The following MYBPC1 variants were observed in gnomAD, a reference collection of about 807,000 sequenced individuals.
MYBPC1 encodes the protein myosin binding protein C1.
In MYBPC1, 52 loss-of-function variants were observed where a neutral mutation model predicts 147.1. The observed-to-expected ratio is 0.35, with a 90% CI of 0.28 to 0.45. The LOEUF (loss-of-function observed/expected upper bound fraction) is 0.45. Ranked by LOEUF, MYBPC1 falls within the 20% of genes least tolerant of loss-of-function variation. MYBPC1 has a pLI of 1.00. For synonymous variants in MYBPC1, 477 were observed against 475.9 expected, an observed-to-expected ratio of 1.00 and a Z score of -0.03; for missense variants, 1,228 against 1,440.3, an observed-to-expected ratio of 0.85 and a Z score of 2.39.
At position 101,675,241 on chromosome 12, in the gene MYBPC1, A is replaced by G. The variant is rs377628844; in HGVS notation, c.2810-51A>G. On this transcript the variant is annotated intron_variant, in intron 25 of 31. Coordinates refer to ENST00000361466, the MANE Select transcript of MYBPC1 (RefSeq NM_002465.4). ...AAAATATCCTCATGAAACAAAATGTAGACTGGGAAAGAAAGTGACCTTGCA... is the reference window on the plus strand; with the variant it reads ...AAAATATCCTCATGAAACAAAATGTGGACTGGGAAAGAAAGTGACCTTGCA... The G allele has an allele frequency of 3.5e-5, 57 of 1,609,524 alleles. No individual in the cohort carries two copies. The African/African-American group carries it at 6.9e-4, about 20-fold the overall frequency.
At chr12:101,630,011 A>C (rs1187250098) in intron 6 of MYBPC1, among the ~76,000 whole-genome samples, 1 of 152,198 alleles carries the variant, frequency 6.6e-6, no homozygotes, top group Non-Finnish European at 1.5e-5. Flanking sequence ...TCATCACCCC[A>C]AAAAGACCCT....
intron 15 of MYBPC1, among the ~76,000 whole-genome samples, chr12:101,650,478 AAGG>A (rs1156948910): frequency 2.0e-5 from 3 of 152,138 alleles, no homozygotes; most frequent in Non-Finnish European, 4.4e-5. Context: ...TGGTGGCAGC[AAGG>A]AGAAGTACCA....
intron 13 of MYBPC1, among the ~76,000 whole-genome samples, chr12:101,647,742 T>C (rs965636528): frequency 2.6e-5 from 4 of 152,074 alleles, no homozygotes; most frequent in Non-Finnish European, 1.5e-5. Flanking sequence ...CAAAAATTAG[T>C]TGGGTGTAGT....
At chr12:101,637,225 T>G (rs1436773251) in intron 10 of MYBPC1, 1 of 155,556 alleles carries the variant, frequency 6.4e-6, no homozygotes, top group African/African-American at 2.4e-5. Context: ...ACACCATTGA[T>G]TATAAGATGC....
intron 3 of MYBPC1, among the ~76,000 whole-genome samples, chr12:101,619,966 G>T (rs1444009895): frequency 6.6e-6 from 1 of 152,192 alleles, no homozygotes; most frequent in East Asian, 1.9e-4. Context: ...TTTGTGATTA[G>T]ATTTGCCAAC....
intron 26 of MYBPC1, among the ~76,000 whole-genome samples, chr12:101,676,151 ATTC>A (rs1899938489): frequency 6.6e-6 from 1 of 152,188 alleles, no homozygotes; most frequent in South Asian, 2.1e-4. Flanking sequence ...GCCCAAGACA[ATTC>A]TTTTTCCAGG....
At position 101,607,340 on chromosome 12, in the gene MYBPC1, A is replaced by G. The variant is rs548677965; in HGVS notation, c.26-7156A>G. On this transcript the variant is annotated intron_variant, in intron 1 of 31. Transcript: ENST00000361466. ...AATCTAAAAAGAAAGATAATTTGCT[A>G]TACCACCAAAAATGACAGTACAAGA... Among the ~76,000 whole-genome samples the G allele has an allele frequency of 5.9e-5, 9 of 152,306 alleles. No homozygotes were observed. In the East Asian group the frequency reaches 1.5e-3, roughly 26 times the overall value.
At chr12:101,634,101 C>T (rs1219857331) in intron 8 of MYBPC1, among the ~76,000 whole-genome samples, 1 of 152,044 alleles carries the variant, frequency 6.6e-6, no homozygotes, top group Non-Finnish European at 1.5e-5. Context: ...GGGGTTTCAC[C>T]GTGTTAGCCA....
chr12:101,622,954 A>G (rs1317390192), intron 3 of MYBPC1, among the ~76,000 whole-genome samples: 1 of 152,200 alleles, frequency 6.6e-6, no homozygotes, highest in African/African-American at 2.4e-5. Flanking sequence ...GTATTCCTTC[A>G]TGGTCTAAAA....
At chr12:101,622,248 T>C (rs373816007) in intron 3 of MYBPC1, among the ~76,000 whole-genome samples, 3 of 152,184 alleles carry the variant, frequency 2.0e-5, no homozygotes, top group Non-Finnish European at 4.4e-5. Context: ...CCAGAAAGAT[T>C]TGGATATTCA....
intron 3 of MYBPC1, 85 bp from the exon 4 acceptor site, chr12:101,626,787 T>A: frequency 8.5e-7 from 1 of 1,182,280 alleles, no homozygotes; most frequent in Non-Finnish European, 1.3e-6. Context: ...TGGTTTCTCA[T>A]CTTCTTTTTC....
intron 5 of MYBPC1, among the ~76,000 whole-genome samples, chr12:101,628,437 G>A (rs1889125875): frequency 1.3e-5 from 2 of 152,166 alleles, no homozygotes; most frequent in African/African-American, 2.4e-5. Context: ...TCACATAATT[G>A]TGAAAATGTT....
downstream of MYBPC1, among the ~76,000 whole-genome samples, chr12:101,687,063 G>T (rs1951358452): frequency 6.6e-6 from 1 of 151,404 alleles, no homozygotes. Context: ...ATAACCCATT[G>T]TTTTTATATA....
At chr12:101,658,057 G>A (rs984500481) in intron 18 of MYBPC1, among the ~76,000 whole-genome samples, 2 of 151,678 alleles carry the variant, frequency 1.3e-5, no homozygotes, top group Non-Finnish European at 2.9e-5. Context: ...CGTGAACCCG[G>A]GAGGCGGAGC....
intron 3 of MYBPC1, among the ~76,000 whole-genome samples, chr12:101,619,204 C>A (rs1886831086): frequency 6.6e-6 from 1 of 152,044 alleles, no homozygotes; most frequent in Admixed American, 6.6e-5. Flanking sequence ...CCTGCTCTCC[C>A]TCCCTCCTCC....
In MYBPC1 at chr12:101,682,625, C is replaced by T. The variant is rs1351132907; in HGVS notation, c.3455C>T (p.Thr1152Ile). 1.9e-6 allele frequency: 3 copies of T among 1,613,020 alleles called. No individual in the cohort carries two copies. The highest frequency in any genetic ancestry group is 1.7e-5 in the Admixed American group (1 of 59,996). ...GCAGTGATATATCAAGGAGTAAATA[C>T]CCCTGGACAACCAGTCTTCCTGGAG... ...EVKVIYQGVN[T>I]PGQPVFLEGQ... is the part of the protein sequence containing the mutation. Residue 1152 changes from threonine to isoleucine, a missense_variant, in exon 30 of 32, where the codon ACC (threonine) becomes ATC (isoleucine). Physicochemically the swap from Thr to Ile is moderately conservative, Grantham distance 89. Around this residue, in one of 2 missense-constraint regions of MYBPC1, gnomAD observed 1,077 missense variants for 1,314.2 expected, o/e 0.82. Coordinates refer to ENST00000361466, the MANE Select transcript of MYBPC1 (RefSeq NM_002465.4).
At chr12:101,666,894 TAC>T (rs1201276523) in intron 22 of MYBPC1, 3,597 of 313,548 alleles carry the variant, frequency 0.011, 34 homozygotes, top group African/African-American at 0.043. Context: ...ATCACATACA[TAC>T]ACACACACAC....
intron 23 of MYBPC1, among the ~76,000 whole-genome samples, chr12:101,668,577 C>A (rs904058964): frequency 6.6e-6 from 1 of 152,096 alleles, no homozygotes; most frequent in Admixed American, 6.5e-5. Flanking sequence ...TCTTCTGCCT[C>A]AGCCTCCCAA....
At chr12:101,689,961 G>T (rs1481268957), downstream of MYBPC1, among the ~76,000 whole-genome samples, 1 of 152,166 alleles carries the variant, frequency 6.6e-6, no homozygotes, top group Non-Finnish European at 1.5e-5. Context: ...GATCACCTGA[G>T]GTCAGAAGTT....
Sources: allele counts gnomAD v4.1 joint callset (sites outside exome capture counted in the v4.1 genomes callset), GRCh38; gene constraint gnomAD v4.1.1; regional missense constraint gnomAD v4.1.1; transcripts MANE v1.5; gene names NCBI Gene and HGNC (gene_info 2026-07-23, HGNC 2026-07-21).